Variants in ZNF704 observed in about 807,000 individuals in gnomAD.
ZNF704 encodes glucocorticoid induced gene 1.
A neutral mutation model predicts 44.7 loss-of-function variants in ZNF704; 10 were observed. The observed-to-expected ratio is 0.22, with a 90% CI of 0.14 to 0.38. The LOEUF (loss-of-function observed/expected upper bound fraction) is 0.38. Ranked by LOEUF, ZNF704 falls within the 10% of genes least tolerant of loss-of-function variation. ZNF704 has a pLI of 1.00. For synonymous variants in ZNF704, 211 were observed against 207.6 expected, an observed-to-expected ratio of 1.02 and a Z score of -0.14; for missense variants, 390 against 545.5, an observed-to-expected ratio of 0.71 and a Z score of 2.84.
chr8:80,720,613 A>C (rs899706648), intron 2 of ZNF704, among the ~76,000 whole-genome samples: 3 of 152,238 alleles, frequency 2.0e-5, no homozygotes, highest in African/African-American at 7.2e-5. Context: ...TCTAAGCCAC[A>C]GCAGCAGCAA....
At chr8:80,853,437 GGA>G (rs1270987104) in intron 1 of ZNF704, among the ~76,000 whole-genome samples, 1 of 151,914 alleles carries the variant, frequency 6.6e-6, no homozygotes, top group Non-Finnish European at 1.5e-5. Context: ...TTTCTTTCCA[GGA>G]CTTTAAAATG....
At chr8:80,764,048 C>G (rs1322102482) in intron 2 of ZNF704, among the ~76,000 whole-genome samples, 1 of 152,208 alleles carries the variant, frequency 6.6e-6, no homozygotes, top group African/African-American at 2.4e-5. Flanking sequence ...AAATCTCTAG[C>G]AAGTGCCAAA....
chr8:80,866,721 T>TGGA (rs535463057), intron 1 of ZNF704, among the ~76,000 whole-genome samples: 73 of 150,820 alleles, frequency 4.8e-4, no homozygotes, highest in African/African-American at 1.4e-3. Flanking sequence ...CTTGCGGGGT[T>TGGA]GGGGGGGGGA....
chr8:80,723,113 A>G (rs1252710117), intron 2 of ZNF704, among the ~76,000 whole-genome samples: 3 of 152,226 alleles, frequency 2.0e-5, no homozygotes, highest in African/African-American at 7.2e-5. Flanking sequence ...TACTAATAAC[A>G]AAACTACAAA....
rs192177682 is a variant in ZNF704, at chr8:80,838,000, G to A, written c.-21-16385C>T. 3.3e-5 allele frequency among the ~76,000 whole-genome samples: 5 copies of A among 152,108 alleles called. No individual in the cohort carries two copies. In the East Asian group the frequency reaches 9.7e-4, roughly 29 times the overall value. On this transcript the variant is annotated intron_variant, in intron 1 of 8. Transcript: ENST00000327835. ...TAAACCTATCATACATCAACAGAAG[G>A]GTTGCTCTAAAGATCACCAACTTTT...
intron 1 of ZNF704, among the ~76,000 whole-genome samples, chr8:80,862,181 A>G (rs1204855317): frequency 6.6e-6 from 1 of 151,630 alleles, no homozygotes; most frequent in East Asian, 1.9e-4. Context: ...TTTTTTGTAG[A>G]AAAAATGACT....
the ZNF704 span, among the ~76,000 whole-genome samples, chr8:80,881,289 T>C: frequency 6.6e-6 from 1 of 152,218 alleles, no homozygotes. Context: ...GAGAATGATT[T>C]AAAAAGAAGT....
At chr8:80,742,281 C>A (rs1221824002) in intron 2 of ZNF704, among the ~76,000 whole-genome samples, 1 of 152,196 alleles carries the variant, frequency 6.6e-6, no homozygotes, top group Admixed American at 6.5e-5. Context: ...AACCAAGCCC[C>A]AATACTCAGC....
At position 80,830,026 on chromosome 8, in the gene ZNF704, C is replaced by T. The variant is rs1246805456; in HGVS notation, c.-21-8411G>A. On this transcript the variant is annotated intron_variant, in intron 1 of 8. Coordinates refer to ENST00000327835, the MANE Select transcript of ZNF704 (RefSeq NM_001033723.3). ...CTTTAAAGCATGTATATATGTATCA[C>T]ATGTTCTTTTTAATGTCTTTTATTC... Among the ~76,000 whole-genome samples, 3 of 152,260 alleles carry T rather than the reference C, an allele frequency of 2.0e-5. No individual in the cohort carries two copies. The East Asian group carries it at 5.8e-4, about 29-fold the overall frequency.
intron 2 of ZNF704, among the ~76,000 whole-genome samples, chr8:80,752,558 C>G (rs549811669): frequency 5.9e-4 from 88 of 149,316 alleles, no homozygotes; most frequent in Non-Finnish European, 1.1e-3. Flanking sequence ...AAAAAAAAAA[C>G]GAAACAGAGT....
intron 8 of ZNF704, among the ~76,000 whole-genome samples, chr8:80,642,260 AT>A (rs1362280678): frequency 1.3e-5 from 2 of 152,068 alleles, no homozygotes; most frequent in East Asian, 1.9e-4. Context: ...CAGTATAAAA[AT>A]TTTTTTCTTT....
intron 2 of ZNF704, among the ~76,000 whole-genome samples, chr8:80,782,607 T>C (rs1807546789): frequency 6.6e-6 from 1 of 152,154 alleles, no homozygotes; most frequent in Non-Finnish European, 1.5e-5. Flanking sequence ...GGAACGTTAA[T>C]ATACAATAGT....
chr8:80,869,786 C>A (rs979682796), intron 1 of ZNF704, among the ~76,000 whole-genome samples: 3 of 152,248 alleles, frequency 2.0e-5, no homozygotes, highest in Non-Finnish European at 4.4e-5. Flanking sequence ...CTCCTGACTA[C>A]ATTGCATTAT....
At chr8:80,770,225 C>T (rs1210555602) in intron 2 of ZNF704, among the ~76,000 whole-genome samples, 1 of 152,186 alleles carries the variant, frequency 6.6e-6, no homozygotes, top group African/African-American at 2.4e-5. Flanking sequence ...CCACTGTCCA[C>T]TATTAAAACC....
chr8:80,687,916 G>A (rs573444426), intron 3 of ZNF704, among the ~76,000 whole-genome samples: 2 of 152,134 alleles, frequency 1.3e-5, no homozygotes, highest in African/African-American at 4.8e-5. Flanking sequence ...TTTAAAAAGG[G>A]ATTTCTTAGC....
intron 1 of ZNF704, among the ~76,000 whole-genome samples, chr8:80,850,589 GTTTTA>G (rs1298868639): frequency 1.3e-5 from 2 of 151,882 alleles, no homozygotes; most frequent in African/African-American, 4.8e-5. Flanking sequence ...GCTTTTTGTT[GTTTTA>G]TTTTGCTTTT....
intron 4 of ZNF704, among the ~76,000 whole-genome samples, chr8:80,672,923 CT>C (rs948535568): frequency 3.3e-4 from 50 of 150,602 alleles, no homozygotes; most frequent in African/African-American, 1.2e-3. Flanking sequence ...AAAAGTTGAA[CT>C]TAAAAAAAAA....
chr8:80,635,961 C>T lies in ZNF704; in HGVS notation c.*5405G>A, dbSNP rs1292914420. ...TTACTTATAATATTAATACTTCCTGCCTGGTAAAATACTATATTTTAAAAA... is the reference window on the plus strand; with the variant it reads ...TTACTTATAATATTAATACTTCCTGTCTGGTAAAATACTATATTTTAAAAA... On this transcript the variant is annotated 3_prime_UTR_variant, in exon 9 of 9. Coordinates refer to ENST00000327835, the MANE Select transcript of ZNF704 (RefSeq NM_001033723.3). The T allele has an allele frequency of 6.6e-6, 1 of 152,152 alleles. No homozygotes were observed. The highest frequency in any genetic ancestry group is 1.9e-4 in the East Asian group (1 of 5,198). The allele number at this position is 152,152 out of a possible 1,614,324, so 9.4% of individuals were successfully genotyped here. A position where few individuals can be genotyped will look rare whatever the true frequency, so the allele number is the denominator to read the frequency against.
intron 2 of ZNF704, among the ~76,000 whole-genome samples, chr8:80,798,253 T>C (rs1242642570): frequency 1.3e-5 from 2 of 150,924 alleles, no homozygotes; most frequent in Middle Eastern, 3.4e-3. Context: ...GCCTTTAGTG[T>C]CCATATTTTT....
Sources: allele counts gnomAD v4.1 joint callset (sites outside exome capture counted in the v4.1 genomes callset), GRCh38; gene constraint gnomAD v4.1.1; transcripts MANE v1.5; gene names NCBI Gene and HGNC (gene_info 2026-07-23, HGNC 2026-07-21).